CADM2: variants seen among roughly 807,000 people sequenced by gnomAD.
The protein encoded by CADM2 is immunoglobulin superfamily member 4D.
Under a neutral mutation model 49.8 loss-of-function variants are expected in CADM2, and 12 were observed. The observed-to-expected ratio is 0.24, with a 90% CI of 0.15 to 0.39. The LOEUF (loss-of-function observed/expected upper bound fraction) is 0.39, where lower values mean the gene tolerates loss of function less well. Among genes scored for constraint, CADM2 ranks in the 10% least tolerant of loss-of-function variants. The probability of loss-of-function intolerance (pLI) is 1.00; values close to 1 mark genes in which losing one functional copy is unlikely to be tolerated. For missense variants in CADM2, 378 were observed against 492.3 expected, an observed-to-expected ratio of 0.77 and a Z score of 2.20; for synonymous variants, 214 against 175.4, an observed-to-expected ratio of 1.22 and a Z score of -1.74.
intron 1 of CADM2, among the ~76,000 whole-genome samples, chr3:85,442,237 T>C (rs2037235815): frequency 6.6e-6 from 1 of 152,076 alleles, no homozygotes; most frequent in Non-Finnish European, 1.5e-5. Flanking sequence ...TCTTTCCTTG[T>C]TGCTGACTTG....
chr3:86,021,085 C>T (rs1284167118), intron 8 of CADM2, among the ~76,000 whole-genome samples: 5 of 152,040 alleles, frequency 3.3e-5, no homozygotes, highest in Non-Finnish European at 5.9e-5. Flanking sequence ...CTGCAACCTC[C>T]GCCTCCCAGG....
At chr3:85,323,938 G>T (rs957524231) in intron 1 of CADM2, among the ~76,000 whole-genome samples, 5 of 152,126 alleles carry the variant, frequency 3.3e-5, no homozygotes, top group Non-Finnish European at 7.4e-5. Context: ...GAATAACATT[G>T]TTGAGGGCAC....
intron 1 of CADM2, among the ~76,000 whole-genome samples, chr3:85,305,673 A>G (rs1208197446): frequency 1.3e-5 from 2 of 151,714 alleles, no homozygotes; most frequent in Non-Finnish European, 3.0e-5. Flanking sequence ...ACCATGTAGT[A>G]CAACAGTTTC....
intron 1 of CADM2, among the ~76,000 whole-genome samples, chr3:85,029,483 G>T (rs1248309653): frequency 6.6e-6 from 1 of 152,146 alleles, no homozygotes; most frequent in Admixed American, 6.6e-5. Flanking sequence ...TCAGTTTGAT[G>T]GTTTACTTTG....
intron 6 of CADM2, among the ~76,000 whole-genome samples, chr3:85,922,035 G>A (rs761619847): frequency 2.0e-5 from 3 of 152,100 alleles, no homozygotes; most frequent in Non-Finnish European, 4.4e-5. Flanking sequence ...GTGTCTTGAA[G>A]TTGGGTAGTG....
At chr3:85,347,627 A>G (rs2030863354) in intron 1 of CADM2, among the ~76,000 whole-genome samples, 1 of 49,908 alleles carries the variant, frequency 2.0e-5, no homozygotes, top group African/African-American at 4.3e-5. Context: ...ATACATATAT[A>G]TAAATATATA....
At position 85,655,155 on chromosome 3, in the gene CADM2, T is replaced by C. The variant is rs763939931; in HGVS notation, c.62-71367T>C. On this transcript the variant is annotated intron_variant, in intron 1 of 9. Transcript: ENST00000383699. ...CAAAATGAGAAACAGGAATCCACCT[T>C]GGTAATTTTTTTTTTTTTTGACACA... Among the ~76,000 whole-genome samples the C allele has an allele frequency of 7.6e-4, 94 of 123,740 alleles. 1 individual carries two copies. The highest frequency in any genetic ancestry group is 7.1e-3 in the South Asian group (26 of 3,670). 81.2% of individuals were successfully genotyped at this position (123,740 alleles called of 152,430 possible). A position where few individuals can be genotyped will look rare whatever the true frequency, so the allele number is the denominator to read the frequency against.
At chr3:85,525,512 G>A (rs952398189) in intron 1 of CADM2, among the ~76,000 whole-genome samples, 1 of 152,048 alleles carries the variant, frequency 6.6e-6, no homozygotes, top group Non-Finnish European at 1.5e-5. Flanking sequence ...CTGTGTCTTA[G>A]TTTATCCTAT....
intron 1 of CADM2, among the ~76,000 whole-genome samples, chr3:85,294,107 C>A (rs2106949721): frequency 6.6e-6 from 1 of 151,912 alleles, no homozygotes; most frequent in African/African-American, 2.4e-5. Flanking sequence ...GATACAAAAT[C>A]AATGTACAAA....
intron 1 of CADM2, among the ~76,000 whole-genome samples, chr3:84,984,689 CTATT>C (rs1334175407): frequency 1.3e-5 from 2 of 152,134 alleles, no homozygotes; most frequent in East Asian, 1.9e-4. Context: ...AAAGAACAAA[CTATT>C]TAGTTTGACA....
At chr3:85,169,954 G>A (rs2107682735) in intron 1 of CADM2, among the ~76,000 whole-genome samples, 1 of 152,208 alleles carries the variant, frequency 6.6e-6, no homozygotes, top group Non-Finnish European at 1.5e-5. Context: ...AAACTGTTGA[G>A]CAAATTATTT....
At chr3:85,864,277 T>G (rs1404267635) in intron 3 of CADM2, among the ~76,000 whole-genome samples, 1 of 152,230 alleles carries the variant, frequency 6.6e-6, no homozygotes. Context: ...TATAAACACC[T>G]TGCATTACTG....
chr3:85,543,425 T>TGTGGGGGTGTGTGTGTGTGTGGGTGG (rs1280522289), intron 1 of CADM2, among the ~76,000 whole-genome samples: 2 of 122,330 alleles, frequency 1.6e-5, no homozygotes, highest in South Asian at 6.3e-4. Context: ...AGCTAATGTG[T>TGTGGGGGTGTGTGTGTGTGTGGGTGG]GTGTGTGTGT....
chr3:85,726,596 C>G, intron 2 of CADM2, 48 bp downstream of exon 2: 1 of 1,447,150 alleles, frequency 6.9e-7, no homozygotes, highest in Non-Finnish European at 9.7e-7. Flanking sequence ...CATTTTTCTG[C>G]TCAATCTTCT....
chr3:85,626,915 C>T (rs116705697), intron 1 of CADM2, among the ~76,000 whole-genome samples: 2,327 of 152,038 alleles, frequency 0.015, 68 homozygotes, highest in African/African-American at 0.053. Context: ...GAATACTTAA[C>T]CGTCATACTT....
intron 8 of CADM2, among the ~76,000 whole-genome samples, chr3:85,968,114 A>G (rs1322309835): frequency 6.6e-6 from 1 of 151,638 alleles, no homozygotes; most frequent in East Asian, 2.0e-4. Flanking sequence ...TGCTGCTCTC[A>G]TCTCTGGTTG....
intron 3 of CADM2, among the ~76,000 whole-genome samples, chr3:85,808,223 G>C (rs1462987772): frequency 1.3e-5 from 2 of 152,082 alleles, no homozygotes; most frequent in African/African-American, 4.8e-5. Context: ...GAATCAAGAG[G>C]AAAATTTATA....
intron 6 of CADM2, among the ~76,000 whole-genome samples, chr3:85,930,071 T>G (rs1256012442): frequency 1.3e-5 from 2 of 152,210 alleles, no homozygotes; most frequent in East Asian, 3.9e-4. Flanking sequence ...TAAAGAGGAA[T>G]AATTTATATC....
chr3:85,762,594 C>CCTCT (rs758842388), intron 2 of CADM2, among the ~76,000 whole-genome samples: 74 of 50,422 alleles, frequency 1.5e-3, no homozygotes, highest in East Asian at 5.1e-3. Flanking sequence ...CTGCACTACT[C>CCTCT]CTCTCTCTCT....
Sources: allele counts gnomAD v4.1 joint callset (sites outside exome capture counted in the v4.1 genomes callset), GRCh38; gene constraint gnomAD v4.1.1; transcripts MANE v1.5; gene names NCBI Gene and HGNC (gene_info 2026-07-23, HGNC 2026-07-21).